Variants in OLFM3 observed in about 807,000 individuals in gnomAD.
OLFM3 encodes olfactomedin 3.
A neutral mutation model predicts 48.6 loss-of-function variants in OLFM3; 20 were observed. The observed-to-expected ratio is 0.41, with a 90% CI of 0.29 to 0.60. The LOEUF (loss-of-function observed/expected upper bound fraction) is 0.60. Among genes scored for constraint, OLFM3 ranks in the 20% least tolerant of loss-of-function variants. The probability of loss-of-function intolerance (pLI) is 0.28; values close to 1 mark genes in which losing one functional copy is unlikely to be tolerated. For synonymous variants in OLFM3, 222 were observed against 198.1 expected (o/e 1.12, Z -1.01); for missense variants, 437 against 544.3 (o/e 0.80, Z 1.96).
At chr1:101,808,860 G>T (rs1653911255) in intron 4 of OLFM3, among the ~76,000 whole-genome samples, 1 of 151,776 alleles carries the variant, frequency 6.6e-6, no homozygotes, top group Non-Finnish European at 1.5e-5. Flanking sequence ...AGAAAAACCA[G>T]GGCTCCCCAC....
intron 1 of OLFM3, among the ~76,000 whole-genome samples, chr1:101,932,507 A>C (rs916982172): frequency 6.6e-6 from 1 of 152,164 alleles, no homozygotes; most frequent in Admixed American, 6.5e-5. Flanking sequence ...GGGCTATTGA[A>C]CACTGGGACT....
chr1:101,932,150 A>G (rs542662918), intron 1 of OLFM3, among the ~76,000 whole-genome samples: 1 of 152,210 alleles, frequency 6.6e-6, no homozygotes, highest in East Asian at 1.9e-4. Context: ...TATTCTCTGT[A>G]TTGACTAATT....
At chr1:101,982,708 C>T (rs944625240) in intron 1 of OLFM3, among the ~76,000 whole-genome samples, 18 of 152,132 alleles carry the variant, frequency 1.2e-4, no homozygotes, top group African/African-American at 4.1e-4. Context: ...TTGAGCTTGG[C>T]TATCCCTTTT....
At chr1:101,937,358 T>G (rs80337822) in intron 1 of OLFM3, among the ~76,000 whole-genome samples, 2,352 of 152,296 alleles carry the variant, frequency 0.015, 24 homozygotes, top group African/African-American at 0.021. Flanking sequence ...GCGTTCTCTG[T>G]TCTTTCTTCC....
intron 4 of OLFM3, among the ~76,000 whole-genome samples, chr1:101,809,616 T>C (rs892764724): frequency 1.3e-5 from 2 of 151,832 alleles, no homozygotes; most frequent in African/African-American, 4.8e-5. Flanking sequence ...ATGACAACTA[T>C]GCAGTGGGCT....
intron 4 of OLFM3, among the ~76,000 whole-genome samples, chr1:101,822,214 C>T (rs982149843): frequency 2.0e-5 from 3 of 152,040 alleles, no homozygotes; most frequent in African/African-American, 7.2e-5. Context: ...AACTGCAGTA[C>T]AAATTATTTC....
chr1:101,889,356 C>G (rs1657898812), intron 1 of OLFM3, among the ~76,000 whole-genome samples: 1 of 152,086 alleles, frequency 6.6e-6, no homozygotes, highest in Non-Finnish European at 1.5e-5. Flanking sequence ...TTTGTAGGGA[C>G]ATGAATGAAG....
chr1:101,992,694 T>C (rs1661446308), intron 1 of OLFM3, among the ~76,000 whole-genome samples: 1 of 152,128 alleles, frequency 6.6e-6, no homozygotes, highest in Non-Finnish European at 1.5e-5. Flanking sequence ...ATTAGATTTA[T>C]GTATGAAAGC....
chr1:101,955,582 T>C (rs1570663986), intron 1 of OLFM3, among the ~76,000 whole-genome samples: 1 of 151,990 alleles, frequency 6.6e-6, no homozygotes, highest in Non-Finnish European at 1.5e-5. Context: ...CTAAGACAAT[T>C]CTCACTTCTG....
intron 4 of OLFM3, chr1:101,812,743 T>G: frequency 1.0e-6 from 1 of 987,160 alleles, no homozygotes; most frequent in Non-Finnish European, 1.2e-6. Flanking sequence ...GTACCGGAGG[T>G]TAAAAGCTTC....
At chr1:101,849,746 T>C (rs116784516) in intron 1 of OLFM3, among the ~76,000 whole-genome samples, 3 of 152,316 alleles carry the variant, frequency 2.0e-5, no homozygotes, top group Non-Finnish European at 4.4e-5. Flanking sequence ...TGCACAACAA[T>C]TGGCAGTCCT....
At chr1:101,861,385 A>C (rs1261852098) in intron 1 of OLFM3, among the ~76,000 whole-genome samples, 1 of 152,208 alleles carries the variant, frequency 6.6e-6, no homozygotes, top group Non-Finnish European at 1.5e-5. Context: ...TTTGTCTGTC[A>C]GAAAGAAGAT....
At chr1:101,842,350 A>G (rs969972082) in intron 1 of OLFM3, among the ~76,000 whole-genome samples, 1 of 152,112 alleles carries the variant, frequency 6.6e-6, no homozygotes, top group Non-Finnish European at 1.5e-5. Context: ...CCTGGGCAGC[A>G]TAATGAGACC....
intron 3 of OLFM3, 81 bp downstream of exon 3, chr1:101,830,590 CA>C (rs1655097187): frequency 3.4e-6 from 5 of 1,453,696 alleles, no homozygotes; most frequent in Non-Finnish European, 4.8e-6. Flanking sequence ...AATGCACATT[CA>C]TTTCTAGCTG....
chr1:101,863,852 A>G (rs572582061), intron 1 of OLFM3, among the ~76,000 whole-genome samples: 1 of 152,308 alleles, frequency 6.6e-6, no homozygotes, highest in East Asian at 1.9e-4. Flanking sequence ...TCAAATTAAA[A>G]TTTCCTCATC....
intron 1 of OLFM3, among the ~76,000 whole-genome samples, chr1:101,857,957 C>T (rs1477367957): frequency 6.6e-6 from 1 of 152,002 alleles, no homozygotes; most frequent in East Asian, 1.9e-4. Context: ...AACAAAACAA[C>T]TTTTTTCTTA....
At chr1:101,947,637 A>T (rs1335472782) in intron 1 of OLFM3, among the ~76,000 whole-genome samples, 1 of 152,126 alleles carries the variant, frequency 6.6e-6, no homozygotes, top group Non-Finnish European at 1.5e-5. Context: ...ATAAAGATAA[A>T]GTGTAGTATA....
intron 1 of OLFM3, among the ~76,000 whole-genome samples, chr1:101,896,670 A>ATTT (rs3079210): frequency 2.8e-5 from 3 of 105,660 alleles, no homozygotes; most frequent in Admixed American, 2.1e-4. Flanking sequence ...GATTTTTTGT[A>ATTT]TTTTTTTTTT....
chr1:101,871,084 A>G (rs887439286), intron 1 of OLFM3, among the ~76,000 whole-genome samples: 4 of 152,100 alleles, frequency 2.6e-5, no homozygotes, highest in African/African-American at 9.7e-5. Context: ...TTATTTTTTA[A>G]TAGTTTAGTT....
Sources: gnomAD v4.1 joint callset for allele counts (sites outside exome capture counted in the v4.1 genomes callset) on GRCh38, gnomAD v4.1.1 for gene constraint, MANE v1.5 for transcripts, NCBI Gene and HGNC (gene_info 2026-07-23, HGNC 2026-07-21) for gene names.